The following REDIC1 variants were observed in gnomAD, a reference collection of about 807,000 sequenced individuals.
REDIC1 encodes HEI10 Interacting Protein 1.
the REDIC1 span, among the ~76,000 whole-genome samples, chr12:39,902,611 T>C: frequency 3.3e-5 from 5 of 152,082 alleles, no homozygotes; most frequent in African/African-American, 7.2e-5. Context: ...AAGTGAAATC[T>C]AGAAAAAGAT....
chr12:39,803,628 G>A, the REDIC1 span, among the ~76,000 whole-genome samples: 1 of 151,950 alleles, frequency 6.6e-6, no homozygotes, highest in Non-Finnish European at 1.5e-5. Flanking sequence ...ATGCTAACCA[G>A]CAAACTGGAT....
the REDIC1 span, among the ~76,000 whole-genome samples, chr12:39,805,025 A>G: frequency 1.4e-4 from 20 of 147,654 alleles, no homozygotes; most frequent in Admixed American, 6.7e-4. Context: ...CCTGCTGGAG[A>G]GAGAAGCCTG....
chr12:39,898,805 A>T, the REDIC1 span, among the ~76,000 whole-genome samples: 1 of 152,188 alleles, frequency 6.6e-6, no homozygotes, highest in South Asian at 2.1e-4. Flanking sequence ...GAACAAATTA[A>T]ATGTGCAAAT....
chr12:39,782,944 A>C, the REDIC1 span, among the ~76,000 whole-genome samples: 1 of 152,166 alleles, frequency 6.6e-6, no homozygotes, highest in Non-Finnish European at 1.5e-5. Flanking sequence ...GTATGTATAC[A>C]TGTGCCATGT....
At chr12:39,664,334 A>T in the REDIC1 span, among the ~76,000 whole-genome samples, 3 of 146,922 alleles carry the variant, frequency 2.0e-5, no homozygotes, top group Admixed American at 2.1e-4. Flanking sequence ...TGTTTGGTTT[A>T]TTGTCCTTGC....
the REDIC1 span, among the ~76,000 whole-genome samples, chr12:39,821,246 T>TGG: frequency 6.6e-6 from 1 of 151,992 alleles, no homozygotes; most frequent in Admixed American, 6.6e-5. Context: ...ACCCCATCTC[T>TGG]ACTAAATACA....
At chr12:39,713,576 A>T in the REDIC1 span, among the ~76,000 whole-genome samples, 1 of 150,020 alleles carries the variant, frequency 6.7e-6, no homozygotes, top group South Asian at 2.1e-4. Context: ...ACGCGTACAT[A>T]TGTATACACA....
chr12:39,829,808 A>T, the REDIC1 span: 1 of 355,026 alleles, frequency 2.8e-6, no homozygotes, highest in Admixed American at 3.9e-5. Flanking sequence ...ATGCAGTGGG[A>T]GAAATTGCCT....
At chr12:39,775,038 T>C in the REDIC1 span, among the ~76,000 whole-genome samples, 5 of 152,212 alleles carry the variant, frequency 3.3e-5, no homozygotes, top group South Asian at 1.0e-3. Flanking sequence ...TCTGTCTCAG[T>C]CTGATATCTA....
chr12:39,773,522 A>G, the REDIC1 span, among the ~76,000 whole-genome samples: 1 of 152,218 alleles, frequency 6.6e-6, no homozygotes, highest in Non-Finnish European at 1.5e-5. Context: ...TCTGCCTTTT[A>G]AAATGTTACC....
the REDIC1 span, chr12:39,864,889 A>G: frequency 6.2e-7 from 1 of 1,604,916 alleles, no homozygotes; most frequent in Non-Finnish European, 8.5e-7. Context: ...GTACCTTAAA[A>G]AAAAAAAGTT....
At chr12:39,763,419 T>G in the REDIC1 span, among the ~76,000 whole-genome samples, 1 of 152,176 alleles carries the variant, frequency 6.6e-6, no homozygotes, top group East Asian at 1.9e-4. Context: ...ATCTGCAAAA[T>G]TTATCCATGT....
chr12:39,830,875 T>A, the REDIC1 span, among the ~76,000 whole-genome samples: 1 of 152,324 alleles, frequency 6.6e-6, no homozygotes, highest in Non-Finnish European at 1.5e-5. Flanking sequence ...AAACAAAGGC[T>A]AACCATCCCC....
the REDIC1 span, among the ~76,000 whole-genome samples, chr12:39,744,778 G>A: frequency 1.3e-5 from 2 of 152,078 alleles, no homozygotes; most frequent in African/African-American, 4.8e-5. Flanking sequence ...CAGAAAAAAG[G>A]TGGAAGACAA....
the REDIC1 span, among the ~76,000 whole-genome samples, chr12:39,715,235 T>C: frequency 6.6e-6 from 1 of 152,034 alleles, no homozygotes; most frequent in Non-Finnish European, 1.5e-5. Flanking sequence ...GAGTTGATTT[T>C]TTGTCTAAGG....
At chr12:39,903,861 CTT>C in the REDIC1 span, among the ~76,000 whole-genome samples, 1 of 152,040 alleles carries the variant, frequency 6.6e-6, no homozygotes, top group Non-Finnish European at 1.5e-5. Flanking sequence ...TGAGTGGCCT[CTT>C]ATATTTACTG....
At chr12:39,640,968 A>C in the REDIC1 span, 1,005 of 1,610,586 alleles carry the variant, frequency 6.2e-4, 6 homozygotes, top group African/African-American at 0.012. Flanking sequence ...CAGGGTTCTG[A>C]TCAAGCAGGA....
At chr12:39,847,226 A>C in the REDIC1 span, among the ~76,000 whole-genome samples, 1 of 152,264 alleles carries the variant, frequency 6.6e-6, no homozygotes, top group African/African-American at 2.4e-5. Flanking sequence ...AATGTCTCAT[A>C]AAATTAACAT....
the REDIC1 span, among the ~76,000 whole-genome samples, chr12:39,828,887 T>C: frequency 1.3e-5 from 2 of 152,274 alleles, no homozygotes; most frequent in South Asian, 4.1e-4. Flanking sequence ...ACTAATTGTA[T>C]TTCTTTTACA....
Sources: allele counts gnomAD v4.1 joint callset (sites outside exome capture counted in the v4.1 genomes callset), GRCh38; gene constraint gnomAD v4.1.1; transcripts MANE v1.5; gene names NCBI Gene and HGNC (gene_info 2026-07-23, HGNC 2026-07-21).